Variants in GPA33 observed in about 807,000 individuals in gnomAD.
GPA33 encodes the protein cell surface A33 antigen.
A neutral mutation model predicts 35.6 loss-of-function variants in GPA33; 27 were observed. The ratio of observed to expected loss-of-function variants is 0.76; its 90% CI spans 0.56 to 1.04. GPA33 has a LOEUF of 1.04. GPA33 is among the 50% of genes least tolerant of loss of function. GPA33 has a pLI of 0.00. For missense variants in GPA33, 428 were observed against 411.9 expected (o/e 1.04, Z -0.34); for synonymous variants, 176 against 164.0 (o/e 1.07, Z -0.56).
Position 167,068,965 on chromosome 1 carries a change from G to A in GPA33, c.372C>T (p.Asp124=). ...TYECSVSLMS[D]LEGNTKSRVR... The stretch of plus-strand genomic sequence containing the variant: ...CACGTGACTTGGTGTTGCCCTCCAG[G>A]TCTGACATCAGCGAGACAGAACACT... Residue 124 remains aspartate (D), a synonymous_variant, in exon 3 of 7, where the codon GAC becomes GAT. Transcript: ENST00000367868. 1 of 1,613,688 alleles carries A rather than the reference G, an allele frequency of 6.2e-7. No individual in the cohort carries two copies. Among genetic ancestry groups the A allele is most frequent in the Non-Finnish European group, 8.5e-7 (1 of 1,180,010 alleles).
At chr1:167,067,414 T>A (rs1050261535) in intron 3 of GPA33, among the ~76,000 whole-genome samples, 4 of 152,146 alleles carry the variant, frequency 2.6e-5, no homozygotes, top group African/African-American at 9.7e-5. Flanking sequence ...TCTTCTTTTT[T>A]AAAAAAGTAA....
At chr1:167,073,590 A>G (rs762026808) in intron 1 of GPA33, 51 bp from the exon 2 acceptor site, 2 of 1,505,238 alleles carry the variant, frequency 1.3e-6, no homozygotes, top group Non-Finnish European at 1.8e-6. Context: ...ACGGACAGAC[A>G]TACCCACTCA....
intron 1 of GPA33, among the ~76,000 whole-genome samples, chr1:167,079,481 C>T (rs1180791131): frequency 7.3e-6 from 1 of 137,040 alleles, no homozygotes; most frequent in Admixed American, 7.2e-5. Context: ...GAGACTCCGT[C>T]TCCAAAAAAA....
intron 1 of GPA33, among the ~76,000 whole-genome samples, chr1:167,077,734 A>G (rs533164415): frequency 6.6e-6 from 1 of 152,246 alleles, no homozygotes; most frequent in South Asian, 2.1e-4. Context: ...CAATGGATGA[A>G]AAATGAGTCA....
At chr1:167,066,502 G>A (rs575571869) in intron 3 of GPA33, among the ~76,000 whole-genome samples, 29 of 152,242 alleles carry the variant, frequency 1.9e-4, no homozygotes, top group Non-Finnish European at 3.5e-4. Context: ...GCCTCACCCA[G>A]GAACCCCTGC....
At chr1:167,073,581 C>T (rs746351358) in intron 1 of GPA33, 42 bp from the exon 2 acceptor site, 45 of 1,567,136 alleles carry the variant, frequency 2.9e-5, no homozygotes, top group East Asian at 1.8e-4. Flanking sequence ...GTAAGCGACA[C>T]GGACAGACAT....
chr1:167,064,536 G>T (rs921395718), intron 3 of GPA33, among the ~76,000 whole-genome samples: 2 of 152,182 alleles, frequency 1.3e-5, no homozygotes, highest in Non-Finnish European at 1.5e-5. Flanking sequence ...AAAATTAGTG[G>T]ACTACAAACC....
chr1:167,083,117 C>A (rs558627837), intron 1 of GPA33, among the ~76,000 whole-genome samples: 1 of 152,290 alleles, frequency 6.6e-6, no homozygotes. Flanking sequence ...ACTGAAACTT[C>A]CACCATTGAC....
chr1:167,083,833 C>A (rs1358966773), intron 1 of GPA33, among the ~76,000 whole-genome samples: 1 of 152,140 alleles, frequency 6.6e-6, no homozygotes, highest in African/African-American at 2.4e-5. Flanking sequence ...GTAGCTATGG[C>A]ACCAGGGAGG....
rs1666662386 is a variant in GPA33, at chr1:167,069,091, AC to A, written c.245del (p.Gly82ValfsTer26). 1 of 1,614,050 alleles carries A rather than the reference AC, an allele frequency of 6.2e-7. No individual in the cohort carries two copies. Among genetic ancestry groups the A allele is most frequent in the African/African-American group, 1.3e-5 (1 of 75,036 alleles). ...WPFSNKNYIH[G>X]ELYKNRVSIS... The stretch of plus-strand genomic sequence containing the variant: ...TGCTGACGCGATTCTTATAAAGCTC[AC>A]CATGGATGTAGTTTTTGTTTGAAAA... On this transcript the variant is annotated frameshift_variant, in exon 3 of 7. Coordinates refer to ENST00000367868, the MANE Select transcript of GPA33 (RefSeq NM_005814.3). LOFTEE classifies it high-confidence loss of function.
chr1:167,076,945 C>T (rs989650560), intron 1 of GPA33, among the ~76,000 whole-genome samples: 3 of 152,164 alleles, frequency 2.0e-5, no homozygotes, highest in Admixed American at 6.5e-5. Context: ...GTGGCTCGTG[C>T]CTGTAATCCC....
At position 167,082,457 on chromosome 1, in the gene GPA33, G is replaced by A. The variant is rs144687359; in HGVS notation, c.43+7788C>T. The A allele has an allele frequency of 2.3e-4, 88 of 379,080 alleles. 1 individual carries two copies. The highest frequency in any genetic ancestry group is 1.2e-3 in the South Asian group (57 of 49,530). 23.5% of individuals were successfully genotyped at this position (379,080 alleles called of 1,614,324 possible). A position where few individuals can be genotyped will look rare whatever the true frequency, so the allele number is the denominator to read the frequency against. On this transcript the variant is annotated intron_variant, in intron 1 of 6. Coordinates refer to ENST00000367868, the MANE Select transcript of GPA33 (RefSeq NM_005814.3). ...AGACCAGAGGGGCACAGAGGATCCT[G>A]AGCAGATTTCTTTAGCCCCTTTGGG...
chr1:167,060,310 C>T (rs1666408589), intron 4 of GPA33, among the ~76,000 whole-genome samples: 1 of 152,086 alleles, frequency 6.6e-6, no homozygotes, highest in Admixed American at 6.6e-5. Flanking sequence ...TGTACTCAAG[C>T]GATCCACCCG....
At chr1:167,063,256 C>T (rs186654928) in intron 4 of GPA33, among the ~76,000 whole-genome samples, 3 of 152,218 alleles carry the variant, frequency 2.0e-5, no homozygotes, top group East Asian at 1.9e-4. Flanking sequence ...GGTGAAACCC[C>T]GTCTCTACTA....
chr1:167,087,641 C>T (rs922503184), intron 1 of GPA33, among the ~76,000 whole-genome samples: 1 of 152,034 alleles, frequency 6.6e-6, no homozygotes, highest in Non-Finnish European at 1.5e-5. Flanking sequence ...AAAAGCAGAC[C>T]AACGGTGGCT....
chr1:167,062,824 C>T (rs1000947950), intron 4 of GPA33, among the ~76,000 whole-genome samples: 4 of 151,728 alleles, frequency 2.6e-5, no homozygotes, highest in African/African-American at 4.8e-5. Context: ...GGTGGTGTGT[C>T]TGGGGCAGCG....
chr1:167,082,385 G>A (rs1447002512), intron 1 of GPA33: 9 of 445,996 alleles, frequency 2.0e-5, no homozygotes, highest in Non-Finnish European at 4.0e-5. Context: ...AGTGAGGGCA[G>A]CCTATTTTGT....
Position 167,052,991 on chromosome 1 carries a change from T to G in GPA33, c.*1343A>C, listed in dbSNP as rs958605789. 1 of 152,140 alleles carries G rather than the reference T, an allele frequency of 6.6e-6. No individual in the cohort carries two copies. The highest frequency in any genetic ancestry group is 1.5e-5 in the Non-Finnish European group (1 of 68,022). The allele number at this position is 152,140 out of a possible 1,614,324, so 9.4% of individuals were successfully genotyped here. ...TCTGATCATCCAGAAAAGATAGCAATAGTAAACTGCAGTTGGGTGAGACCA... is the reference window on the plus strand; with the variant it reads ...TCTGATCATCCAGAAAAGATAGCAAGAGTAAACTGCAGTTGGGTGAGACCA... On this transcript the variant is annotated 3_prime_UTR_variant, in exon 7 of 7. Transcript: ENST00000367868.
Position 167,055,714 on chromosome 1 carries a change from C to G in GPA33, c.691+16G>C, listed in dbSNP as rs2274532. The G allele has an allele frequency of 1.2e-5, 20 of 1,613,400 alleles. No homozygotes were observed. The highest frequency in any genetic ancestry group is 1.7e-4 in the Middle Eastern group (1 of 5,724). On this transcript the variant is annotated intron_variant, in intron 5 of 6. Transcript: ENST00000367868. ...CTGTGGCGTTTGTCAGCCCTCCCCC[C>G]GCAGGCTGCTCTTACGAGATCTGAC...
Sources: allele counts gnomAD v4.1 joint callset (sites outside exome capture counted in the v4.1 genomes callset), GRCh38; gene constraint gnomAD v4.1.1; transcripts MANE v1.5; gene names NCBI Gene and HGNC (gene_info 2026-07-23, HGNC 2026-07-21).